ZNF577: variants seen among roughly 807,000 people sequenced by gnomAD.
ZNF577 encodes the protein zinc finger protein 577.
ZNF577 carries 14 observed loss-of-function variants against 13.9 expected under a neutral mutation model. The ratio of observed to expected loss-of-function variants is 1.00; its 90% confidence interval spans 0.66 to 1.57. The LOEUF (loss-of-function observed/expected upper bound fraction) is 1.57, where lower values mean the gene tolerates loss of function less well. Among genes scored for constraint, ZNF577 ranks in the 40% most tolerant of loss-of-function variants. The probability of loss-of-function intolerance (pLI) is 0.00; values close to 1 mark genes in which losing one functional copy is unlikely to be tolerated. For synonymous variants in ZNF577, 203 were observed against 202.9 expected (o/e 1.00, Z 0.00); for missense variants, 555 against 579.2 (o/e 0.96, Z 0.43).
intron 9 of ZNF577, among the ~76,000 whole-genome samples, chr19:51,838,921 G>A (rs1396547386): frequency 6.6e-6 from 1 of 151,842 alleles, no homozygotes; most frequent in African/African-American, 2.4e-5. Context: ...ATTCATATAG[G>A]AAAACGAACT....
chr19:51,873,249 G>A lies in ZNF577; in HGVS notation c.741C>T (p.Cys247=), dbSNP rs146357018. Residue 247 remains cysteine (C), a synonymous_variant, in exon 6 of 6, where the codon TGC becomes TGT. Coordinates refer to ENST00000638348, the MANE Select transcript of ZNF577 (RefSeq NM_001370449.1). ...GGCACTTCCGGCTGAAGGCTTTTCCGCATTTGCTGCATCTGTAGGGTTTCT... is the reference window on the plus strand; with the variant it reads ...GGCACTTCCGGCTGAAGGCTTTTCCACATTTGCTGCATCTGTAGGGTTTCT... ...TGEKPYRCSK[C]GKAFSRKCRL... 6.1e-5 allele frequency: 98 copies of A among 1,612,964 alleles called. No individual in the cohort carries two copies. In the African/African-American group the frequency reaches 1.0e-3, roughly 16 times the overall value.
intron 5 of ZNF577, among the ~76,000 whole-genome samples, chr19:51,876,926 CAAAAAAAA>C (rs536127907): frequency 7.9e-4 from 48 of 60,856 alleles, no homozygotes; most frequent in African/African-American, 2.4e-3. Flanking sequence ...GACTCCGTCT[CAAAAAAAA>C]AAAAAAAAAG....
In ZNF577 at chr19:51,824,337, A is replaced by G. The variant is rs1288126359; in HGVS notation, c.*600-12663T>C. The G allele has an allele frequency of 3.1e-6, 5 of 1,614,052 alleles. No individual in the cohort carries two copies. In the East Asian group the frequency reaches 8.9e-5, roughly 29 times the overall value. On this transcript the variant is annotated intron_variant and NMD_transcript_variant, in intron 9 of 10. Transcript: ENST00000638827. This position sits in a 1 kb window ranked among gnomAD's most constrained non-coding sequence, Gnocchi z 4.7. Reference sequence around the variant, plus strand: ...AGAGAGGTTGAACGTGTTCATTACCATGGCCAAGGTCTTTCTGATCCTCCA... The same window carrying G: ...AGAGAGGTTGAACGTGTTCATTACCGTGGCCAAGGTCTTTCTGATCCTCCA...
At chr19:51,878,353 G>A in intron 4 of ZNF577, 36 bp downstream of exon 4, 5 of 1,607,730 alleles carry the variant, frequency 3.1e-6, no homozygotes, top group Non-Finnish European at 4.3e-6. Context: ...CACCAAATAA[G>A]AAAGAAAAGG....
In ZNF577 at chr19:51,878,459, A is replaced by C; in HGVS notation, c.117T>G (p.Phe39Leu). The C allele has an allele frequency of 6.2e-7, 1 of 1,614,130 alleles. No individual in the cohort carries two copies. ...ACAAGACCTTCTGAGACTGGTCCAA[A>C]AACTGCCACTCCTCCCTGGTGAAGC... Reference protein sequence around the residue: ...AVGFTREEWQFLDQSQKVLYK... With the variant: ...AVGFTREEWQLLDQSQKVLYK... The change falls in exon 4 of 6, where the codon TTT becomes TTG. Residue 39 changes from phenylalanine (F) to leucine (L), a missense_variant. Coordinates refer to ENST00000638348, the MANE Select transcript of ZNF577 (RefSeq NM_001370449.1).
chr19:51,880,947 C>T (rs2084852827), intron 1 of ZNF577, 70 bp from the exon 2 acceptor site: 1 of 153,476 alleles, frequency 6.5e-6, no homozygotes, highest in Admixed American at 6.5e-5. Flanking sequence ...CAATTGCCAT[C>T]TGGACTCACA....
intron 4 of ZNF577, 120 bp from the exon 5 acceptor site, chr19:51,877,497 C>G: frequency 1.3e-6 from 1 of 778,090 alleles, no homozygotes; most frequent in Non-Finnish European, 2.1e-6. Context: ...CTCTTTCACT[C>G]AGGAAAAGAG....
chr19:51,881,789 A>G (rs561803147), intron 1 of ZNF577, among the ~76,000 whole-genome samples: 16 of 152,342 alleles, frequency 1.1e-4, no homozygotes, highest in African/African-American at 3.6e-4. Context: ...CCACACAGAC[A>G]GGAAAGCAAA....
At chr19:51,879,024 G>A (rs1048737582) in intron 3 of ZNF577, among the ~76,000 whole-genome samples, 10 of 152,052 alleles carry the variant, frequency 6.6e-5, no homozygotes, top group Non-Finnish European at 1.3e-4. Context: ...TTGGGAGGCC[G>A]AGGTGGGCAG....
chr19:51,825,635 C>T (rs1161165622), intron 9 of ZNF577: 1 of 167,096 alleles, frequency 6.0e-6, no homozygotes, highest in East Asian at 1.9e-4. Context: ...CATCTTAATA[C>T]CAGATACCCT....
chr19:51,886,327 C>A (rs1269944185), intron 1 of ZNF577: 1 of 152,172 alleles, frequency 6.6e-6, no homozygotes, highest in African/African-American at 2.4e-5. Flanking sequence ...CATCATGTGA[C>A]TTCAAGAATG....
At position 51,873,385 on chromosome 19, in the gene ZNF577, G is replaced by A. The variant is rs761034281; in HGVS notation, c.605C>T (p.Thr202Ile). 2 of 1,614,054 alleles carry A rather than the reference G, an allele frequency of 1.2e-6. No individual in the cohort carries two copies. Among genetic ancestry groups the A allele is most frequent in the African/African-American group, 2.7e-5 (2 of 74,920 alleles). The change falls in exon 6 of 6, where the codon ACT becomes ATT. Residue 202 changes from threonine to isoleucine, a missense_variant. Thr to Ile is a moderately conservative substitution (Grantham distance 89). Coordinates refer to ENST00000638348, the MANE Select transcript of ZNF577 (RefSeq NM_001370449.1). The stretch of plus-strand genomic sequence containing the variant: ...TCCTGTGTGAGTTCTCTGATGCTCA[G>A]TGAGCTGAATCTTCCTCATGAATGT... ...GKTFMRKIQL[T>I]EHQRTHTGEK...
rs1043544341 is a variant in ZNF577 at position 51,867,853 on chromosome 19, G to A, written c.*4679C>T. 6.6e-6 allele frequency among the ~76,000 whole-genome samples: 1 copy of A among 152,122 alleles called. No homozygotes were observed. Among genetic ancestry groups the A allele is most frequent in the Non-Finnish European group, 1.5e-5 (1 of 68,008 alleles). On this transcript the variant is annotated 3_prime_UTR_variant, in exon 6 of 6. Transcript: ENST00000638348. Reference sequence around the variant, plus strand: ...AAGCTAGGGTTGGAAAAAGCCCTCAGAGGTCAGACTAATCAGCACCAATGA... The same window carrying A: ...AAGCTAGGGTTGGAAAAAGCCCTCAAAGGTCAGACTAATCAGCACCAATGA...
intron 5 of ZNF577, among the ~76,000 whole-genome samples, chr19:51,854,172 C>G (rs182415500): frequency 6.6e-6 from 1 of 152,014 alleles, no homozygotes; most frequent in Non-Finnish European, 1.5e-5. Flanking sequence ...AGAAAATCCA[C>G]GAATAAAGTA....
chr19:51,873,863 A>C (rs1460653552), intron 5 of ZNF577, among the ~76,000 whole-genome samples, 157 bp from the exon 6 acceptor site: 1 of 152,198 alleles, frequency 6.6e-6, no homozygotes, highest in Non-Finnish European at 1.5e-5. Context: ...TCTGGGTACC[A>C]CTGCATATGG....
rs2084120674 is a variant in ZNF577 at position 51,814,575 on chromosome 19, C to T, written c.*600-2901G>A. The stretch of plus-strand genomic sequence containing the variant: ...GTGGTGTGATCTCGGCTCACTGCAA[C>T]CTCCATCTGCTGGGTTCAAGTGATT... On this transcript the variant is annotated intron_variant and NMD_transcript_variant, in intron 9 of 10. Transcript: ENST00000638827. Among the ~76,000 whole-genome samples, 4 of 151,800 alleles carry T rather than the reference C, an allele frequency of 2.6e-5. No individual in the cohort carries two copies. In the South Asian group the frequency reaches 8.3e-4, roughly 32 times the overall value.
At chr19:51,884,567 A>G (rs2084913167) in intron 1 of ZNF577, among the ~76,000 whole-genome samples, 3 of 152,134 alleles carry the variant, frequency 2.0e-5, no homozygotes, top group Non-Finnish European at 4.4e-5. Context: ...ATTATGTAAC[A>G]TTCATCAATC....
At chr19:51,838,490 A>G (rs2084300560) in intron 9 of ZNF577, among the ~76,000 whole-genome samples, 1 of 149,910 alleles carries the variant, frequency 6.7e-6, no homozygotes, top group African/African-American at 2.4e-5. Flanking sequence ...AAAGTATAAT[A>G]AAAAATTTTT....
chr19:51,821,036 G>A (rs936009550), intron 9 of ZNF577, among the ~76,000 whole-genome samples: 1 of 152,114 alleles, frequency 6.6e-6, no homozygotes, highest in Non-Finnish European at 1.5e-5. Flanking sequence ...CAAAAGGCAC[G>A]ACCCAGGATT....
Sources: gnomAD v4.1 joint callset for allele counts (sites outside exome capture counted in the v4.1 genomes callset) on GRCh38, gnomAD v4.1.1 for gene constraint, Gnocchi (gnomAD v3.1) non-coding constraint, MANE v1.5 for transcripts, NCBI Gene and HGNC (gene_info 2026-07-23, HGNC 2026-07-21) for gene names.